The following TRPM1 variants were observed in gnomAD, a reference collection of about 807,000 sequenced individuals.
TRPM1 encodes the protein transient receptor potential cation channel subfamily M member 1.
A neutral mutation model predicts 149.4 loss-of-function variants in TRPM1; 113 were observed. The ratio of observed to expected loss-of-function variants is 0.76; its 90% confidence interval spans 0.65 to 0.88. The LOEUF (loss-of-function observed/expected upper bound fraction) is 0.88. Among genes scored for constraint, TRPM1 ranks in the 40% least tolerant of loss-of-function variants. The probability of loss-of-function intolerance (pLI) is 0.00; values close to 1 mark genes in which losing one functional copy is unlikely to be tolerated. For missense variants in TRPM1, 1,976 were observed against 2,038.7 expected (o/e 0.97, Z 0.59); for synonymous variants, 741 against 759.5 (o/e 0.98, Z 0.40).
At chr15:31,030,900 A>G in intron 23 of TRPM1, 83 bp downstream of exon 23, 1 of 1,514,502 alleles carries the variant, frequency 6.6e-7, no homozygotes, top group Non-Finnish European at 9.2e-7. Context: ...TTTCCAAATT[A>G]ATACATGTTC....
intron 27 of TRPM1, among the ~76,000 whole-genome samples, chr15:31,023,638 G>A (rs1472713034): frequency 6.6e-6 from 1 of 152,220 alleles, no homozygotes; most frequent in East Asian, 1.9e-4. Context: ...AGAACTTGAT[G>A]ATTGTTAGTG....
chr15:31,084,904 G>C (rs1013812142), intron 1 of TRPM1, among the ~76,000 whole-genome samples: 2 of 150,298 alleles, frequency 1.3e-5, no homozygotes, highest in African/African-American at 2.5e-5. Context: ...GACCAGGCTG[G>C]TCTCGAACTC....
At chr15:31,071,300 G>A (rs1237674996) in intron 3 of TRPM1, among the ~76,000 whole-genome samples, 1 of 152,212 alleles carries the variant, frequency 6.6e-6, no homozygotes, top group Non-Finnish European at 1.5e-5. Flanking sequence ...CCCAGCAGGA[G>A]CCTGTGTGGG....
At chr15:31,044,851 A>G (rs1037893196) in intron 16 of TRPM1, among the ~76,000 whole-genome samples, 3 of 152,066 alleles carry the variant, frequency 2.0e-5, no homozygotes, top group African/African-American at 7.2e-5. Context: ...AGACTGAAAA[A>G]AACTAGAATA....
At chr15:31,128,671 C>T (rs2035981449) in intron 1 of TRPM1, among the ~76,000 whole-genome samples, 1 of 152,204 alleles carries the variant, frequency 6.6e-6, no homozygotes, top group Non-Finnish European at 1.5e-5. Context: ...CATGCAGAGG[C>T]AGCCCCAACA....
intron 11 of TRPM1, among the ~76,000 whole-genome samples, chr15:31,053,417 A>T (rs1226204019): frequency 1.6e-4 from 22 of 140,358 alleles, no homozygotes; most frequent in East Asian, 8.3e-4. Flanking sequence ...CTCCCGGCTC[A>T]TTTTTTTTTT....
At chr15:31,117,840 C>T (rs1567065466) in intron 1 of TRPM1, among the ~76,000 whole-genome samples, 1 of 151,986 alleles carries the variant, frequency 6.6e-6, no homozygotes, top group African/African-American at 2.4e-5. Context: ...GATCAAGAGG[C>T]TAGACATTAC....
intron 1 of TRPM1, among the ~76,000 whole-genome samples, chr15:31,090,237 A>G (rs1042242317): frequency 3.3e-5 from 5 of 152,088 alleles, no homozygotes; most frequent in Admixed American, 1.3e-4. Flanking sequence ...GAGCCATTAC[A>G]CAGACAGCTT....
At chr15:31,021,160 C>T (rs2140891320) in intron 27 of TRPM1, among the ~76,000 whole-genome samples, 1 of 152,296 alleles carries the variant, frequency 6.6e-6, no homozygotes, top group South Asian at 2.1e-4. Context: ...GGTATTCAGA[C>T]AGGATCATCC....
intron 1 of TRPM1, among the ~76,000 whole-genome samples, chr15:31,095,086 C>T (rs1465946210): frequency 1.3e-5 from 2 of 152,334 alleles, no homozygotes; most frequent in East Asian, 1.9e-4. Context: ...ACCTTGGAAA[C>T]GTGATGCTAA....
Position 31,028,437 on chromosome 15 carries a change from C to G in TRPM1, c.3188G>C (p.Arg1063Pro). The G allele has an allele frequency of 6.2e-7, 1 of 1,613,968 alleles. No homozygotes were observed. Among genetic ancestry groups the G allele is most frequent in the Non-Finnish European group, 8.5e-7 (1 of 1,180,032 alleles). ...GGCGCCGGGGATACAGGGAGGAAGCCGCTTGCCCTCCTCATCATATAGGTT... is the reference window on the plus strand; with the variant it reads ...GGCGCCGGGGATACAGGGAGGAAGCGGCTTGCCCTCCTCATCATATAGGTT... The part of the protein sequence containing the change: ...GENLYDEEGK[R>P]LPPCIPGAWL... The change falls in exon 25 of 28, where the codon CGG becomes CCG. Residue 1063 changes from arginine to proline, a missense_variant. Transcript: ENST00000256552.
chr15:31,105,798 T>G (rs1233228995), upstream of TRPM1, among the ~76,000 whole-genome samples: 2 of 152,226 alleles, frequency 1.3e-5, no homozygotes, highest in African/African-American at 4.8e-5. Context: ...TTCTACACAC[T>G]TGATACACAG....
chr15:31,021,773 A>T (rs891002041), intron 27 of TRPM1, among the ~76,000 whole-genome samples: 2 of 152,064 alleles, frequency 1.3e-5, no homozygotes, highest in Non-Finnish European at 2.9e-5. Context: ...CACTTAATCC[A>T]GAAAGTTTTG....
rs2033049850 is a variant in TRPM1 at position 31,031,113 on chromosome 15, G to A, written c.2997C>T (p.Leu999=). The change falls in exon 23 of 28, where the codon CTC becomes CTT. Residue 999 remains leucine (L), a synonymous_variant. Transcript: ENST00000256552. ...CTTGACGGGCTACTCCGAAACTCAT[G>A]AGCACGACCAGCATGATGACCACAA... is the stretch of plus-strand genomic sequence containing the variant. ...LYFVVIMLVV[L]MSFGVARQAI... is the part of the protein sequence containing the mutation. The A allele has an allele frequency of 6.2e-7, 1 of 1,614,096 alleles. No individual in the cohort carries two copies. Among genetic ancestry groups the A allele is most frequent in the Admixed American group, 1.7e-5 (1 of 60,002 alleles).
chr15:31,107,946 C>T (rs894770879), intron 1 of TRPM1, among the ~76,000 whole-genome samples: 3 of 151,640 alleles, frequency 2.0e-5, no homozygotes, highest in African/African-American at 7.3e-5. Context: ...CAACCTCTGC[C>T]TCCAGGGTTC....
chr15:31,083,326 C>T (rs115871677), intron 1 of TRPM1, among the ~76,000 whole-genome samples: 7 of 152,218 alleles, frequency 4.6e-5, no homozygotes, highest in African/African-American at 1.4e-4. Flanking sequence ...TTGGTTGGAA[C>T]CTTTTGTGAA....
Position 31,047,995 on chromosome 15 carries a change from G to A in TRPM1, c.1573-56C>T, listed in dbSNP as rs2033829988. On this transcript the variant is annotated intron_variant, in intron 13 of 27. Coordinates refer to ENST00000256552, the MANE Select transcript of TRPM1 (RefSeq NM_001252024.2). ...ATGTTTTTCTTGGCCAGGCGCGGTGGCTCACGCCTGTAGTCCCAGCACTTT... is the reference window on the plus strand; with the variant it reads ...ATGTTTTTCTTGGCCAGGCGCGGTGACTCACGCCTGTAGTCCCAGCACTTT... 7.5e-6 allele frequency: 11 copies of A among 1,473,200 alleles called. No homozygotes were observed. The East Asian group carries it at 2.5e-4, about 33-fold the overall frequency. The allele number at this position is 1,473,200 out of a possible 1,614,324, so 91.3% of individuals were successfully genotyped here. A position where few individuals can be genotyped will look rare whatever the true frequency, so the allele number is the denominator to read the frequency against.
At chr15:31,046,279 C>CAG in intron 15 of TRPM1, 46 bp from the exon 16 acceptor site, 2 of 1,576,846 alleles carry the variant, frequency 1.3e-6, no homozygotes, top group African/African-American at 2.8e-5. Context: ...ACTTAGATAA[C>CAG]TAATGTTAGT....
chr15:31,040,315 C>G lies in TRPM1; in HGVS notation c.2119G>C (p.Asp707His), dbSNP rs1367797283. The change falls in exon 18 of 28, where the codon GAC becomes CAC. Residue 707 changes from aspartate to histidine, a missense_variant. Asp to His is a moderately conservative substitution (Grantham distance 81). Coordinates refer to ENST00000256552, the MANE Select transcript of TRPM1 (RefSeq NM_001252024.2). This position sits in a 1 kb window ranked among gnomAD's most constrained non-coding sequence, Gnocchi z 4.2. ...TGCTCGTCATGCTTATAGGACTGGT[C>G]TAATAACTCCAAAGCAAGCTGGCCG... ...DFGQLALELL[D>H]QSYKHDEQIA... 6.2e-7 allele frequency: 1 copy of G among 1,614,170 alleles called. No homozygotes were observed. Among genetic ancestry groups the G allele is most frequent in the Admixed American group, 1.7e-5 (1 of 60,024 alleles).
Sources: gnomAD v4.1 joint callset for allele counts (sites outside exome capture counted in the v4.1 genomes callset) on GRCh38, gnomAD v4.1.1 for gene constraint, Gnocchi (gnomAD v3.1) non-coding constraint, MANE v1.5 for transcripts, NCBI Gene and HGNC (gene_info 2026-07-23, HGNC 2026-07-21) for gene names.